The following KIAA1549 variants were observed in gnomAD, a reference collection of about 807,000 sequenced individuals.
The protein encoded by KIAA1549 is UPF0606 protein KIAA1549.
KIAA1549 carries 70 observed loss-of-function variants against 156.4 expected under a neutral mutation model. That is an observed-to-expected ratio of 0.45 (90% CI 0.37 to 0.55). The LOEUF (loss-of-function observed/expected upper bound fraction) is 0.55. Among genes scored for constraint, KIAA1549 ranks in the 20% least tolerant of loss-of-function variants. The probability of loss-of-function intolerance (pLI) is 0.00; values close to 1 mark genes in which losing one functional copy is unlikely to be tolerated. For missense variants in KIAA1549, 2,428 were observed against 2,540.9 expected, an observed-to-expected ratio of 0.96 and a Z score of 0.96; for synonymous variants, 1,103 against 1,066.4, an observed-to-expected ratio of 1.03 and a Z score of -0.67.
intron 15 of KIAA1549, among the ~76,000 whole-genome samples, chr7:138,867,180 A>C (rs763759061): frequency 5.3e-5 from 8 of 152,202 alleles, no homozygotes; most frequent in Non-Finnish European, 1.0e-4. Context: ...TAGCACTCCA[A>C]GGACAGTACA....
intron 10 of KIAA1549, among the ~76,000 whole-genome samples, chr7:138,886,255 G>A (rs57158958): frequency 0.14 from 21,971 of 152,040 alleles, 2,516 homozygotes; most frequent in African/African-American, 0.32. Flanking sequence ...GACAACATCA[G>A]TGGCTTAGGT....
chr7:138,926,701 T>C (rs1206909629), intron 1 of KIAA1549, among the ~76,000 whole-genome samples: 1 of 152,188 alleles, frequency 6.6e-6, no homozygotes, highest in Non-Finnish European at 1.5e-5. Flanking sequence ...TAGAAAAAAG[T>C]GTCTTCCCCT....
At chr7:138,854,351 G>C (rs955394636) in intron 16 of KIAA1549, among the ~76,000 whole-genome samples, 1 of 152,162 alleles carries the variant, frequency 6.6e-6, no homozygotes, top group Non-Finnish European at 1.5e-5. Context: ...ATTTGTACTT[G>C]CTACTCAAAG....
Position 138,840,196 on chromosome 7 carries a change from G to A in KIAA1549, c.5535C>T (p.Gly1845=). The A allele has an allele frequency of 1.3e-6, 2 of 1,569,268 alleles. No homozygotes were observed. Among genetic ancestry groups the A allele is most frequent in the Non-Finnish European group, 1.7e-6 (2 of 1,157,088 alleles). The change falls in exon 19 of 20, where the codon GGC becomes GGT. Residue 1845 remains glycine (G), a synonymous_variant. Coordinates refer to ENST00000422774, the MANE Select transcript of KIAA1549 (RefSeq NM_001164665.2). ...GCCAGCCTGGCCCCCCATACTGGCTGCCTCTGCTTGGCGGGATTTCCACTG... is the reference window on the plus strand; with the variant it reads ...GCCAGCCTGGCCCCCCATACTGGCTACCTCTGCTTGGCGGGATTTCCACTG... ...AQPVEIPPSR[G]SQYGGPGWPS...
intron 1 of KIAA1549, among the ~76,000 whole-genome samples, chr7:138,980,032 C>T (rs1286677676): frequency 6.6e-6 from 1 of 152,212 alleles, no homozygotes; most frequent in African/African-American, 2.4e-5. Flanking sequence ...GTCCAAGGGA[C>T]ACCTTCAAAT....
chr7:138,853,872 A>C (rs1810303151), intron 16 of KIAA1549, among the ~76,000 whole-genome samples: 2 of 152,222 alleles, frequency 1.3e-5, no homozygotes, highest in Admixed American at 1.3e-4. Context: ...TTCATATGCA[A>C]AATCTAAAAA....
At position 138,869,562 on chromosome 7, in the gene KIAA1549, G is replaced by T; in HGVS notation, c.4751C>A (p.Ser1584Tyr). Residue 1584 changes from serine (S) to tyrosine (Y), a missense_variant, in exon 14 of 20, where the codon TCC becomes TAC. Ser to Tyr is a moderately radical substitution (Grantham distance 144). Coordinates refer to ENST00000422774, the MANE Select transcript of KIAA1549 (RefSeq NM_001164665.2). ...CCTCTTCCTGGGCTCTATGAACACG[G>T]AGGGCACGCTGGCCGTGGGGTCCAG... ...KILDPTASVPSVFIEPRKSSR... is the reference protein window; with the variant it reads ...KILDPTASVPYVFIEPRKSSR... The T allele has an allele frequency of 6.3e-7, 1 of 1,580,858 alleles. No homozygotes were observed.
At chr7:138,930,005 C>T (rs545367701) in intron 1 of KIAA1549, among the ~76,000 whole-genome samples, 1 of 152,272 alleles carries the variant, frequency 6.6e-6, no homozygotes, top group African/African-American at 2.4e-5. Context: ...TATAGTAAGA[C>T]TTGAAAGTCA....
chr7:138,857,979 C>T (rs1810440920), intron 16 of KIAA1549, among the ~76,000 whole-genome samples: 1 of 152,182 alleles, frequency 6.6e-6, no homozygotes. Context: ...GTGTTTAGAC[C>T]ATTCACATTT....
chr7:138,903,756 T>C lies in KIAA1549; in HGVS notation c.3521-20A>G. ...GGAGAACTACATTTAAATGAAAACA[T>C]ACGTGGCACCCAAAACAAGTCAGCA... On this transcript the variant is annotated intron_variant, in intron 7 of 19. Transcript: ENST00000422774. 6.5e-7 allele frequency: 1 copy of C among 1,547,412 alleles called. No homozygotes were observed. The highest frequency in any genetic ancestry group is 2.5e-5 in the East Asian group (1 of 39,758).
At chr7:138,876,483 A>G (rs975995995) in intron 12 of KIAA1549, 10 of 152,262 alleles carry the variant, frequency 6.6e-5, no homozygotes, top group African/African-American at 2.4e-4. Context: ...TCCTTAGCAC[A>G]TGCAAAAGTC....
At chr7:138,869,852 GT>G in intron 13 of KIAA1549, 91 bp from the exon 14 acceptor site, 2 of 906,634 alleles carry the variant, frequency 2.2e-6, no homozygotes, top group Non-Finnish European at 3.3e-6. Flanking sequence ...TTATTTTTAT[GT>G]TTATTTATTT....
At position 138,847,560 on chromosome 7, in the gene KIAA1549, G is replaced by A. The variant is rs77500269; in HGVS notation, c.5295-3086C>T. ...TTCACTCTGTTTTATTGCAATGCCAGCTTTGTAATAAACCAGTGTCCACAC... is the reference window on the plus strand; with the variant it reads ...TTCACTCTGTTTTATTGCAATGCCAACTTTGTAATAAACCAGTGTCCACAC... On this transcript the variant is annotated intron_variant, in intron 17 of 19. Transcript: ENST00000422774. Among the ~76,000 whole-genome samples the A allele has an allele frequency of 9.3e-3, 1,415 of 152,310 alleles. 21 individuals carry two copies. Among genetic ancestry groups the A allele is most frequent in the African/African-American group, 0.032 (1,324 of 41,556 alleles).
In KIAA1549 at chr7:138,861,132, T is replaced by C; in HGVS notation, c.5247+7A>G. 1 of 1,613,464 alleles carries C rather than the reference T, an allele frequency of 6.2e-7. No individual in the cohort carries two copies. The highest frequency in any genetic ancestry group is 2.2e-5 in the East Asian group (1 of 44,860). On this transcript the variant is annotated splice_region_variant and intron_variant, in intron 16 of 19. Transcript: ENST00000422774. ...CCATCAGAGAATTCTAGAAGGCCAG[T>C]ACTTACACTGCAGGGATTGTTGGCC...
Position 138,844,403 on chromosome 7 carries a change from G to A in KIAA1549, c.5366C>T (p.Ser1789Phe). 2 of 1,605,292 alleles carry A rather than the reference G, an allele frequency of 1.2e-6. No homozygotes were observed. Among genetic ancestry groups the A allele is most frequent in the Non-Finnish European group, 1.7e-6 (2 of 1,175,502 alleles). ...TCTGGCAGCAAATGGGGCTTCGGCG[G>A]AGGCCTGTGGCTGCTGAGGGTCAGG... ...VPPDPQQPQA[S>F]AEAPFAARGI... Residue 1789 changes from serine (S) to phenylalanine (F), a missense_variant, in exon 18 of 20, where the codon TCC becomes TTC. This residue lies in a region of KIAA1549 where 363 missense variants were observed against 354.0 expected (regional missense o/e 1.03). Transcript: ENST00000422774.
intron 15 of KIAA1549, among the ~76,000 whole-genome samples, chr7:138,865,439 T>TG (rs1491397672): frequency 7.0e-6 from 1 of 142,934 alleles, no homozygotes; most frequent in African/African-American, 2.7e-5. Flanking sequence ...GGCTTGAAGA[T>TG]GAAAAAAAAA....
At chr7:138,858,737 G>T (rs1810465794) in intron 16 of KIAA1549, among the ~76,000 whole-genome samples, 1 of 152,064 alleles carries the variant, frequency 6.6e-6, no homozygotes, top group Non-Finnish European at 1.5e-5. Flanking sequence ...AGAAATGGTG[G>T]CCTAAAACAA....
chr7:138,870,531 A>G (rs1372455389), intron 13 of KIAA1549, among the ~76,000 whole-genome samples: 1 of 152,202 alleles, frequency 6.6e-6, no homozygotes, highest in African/African-American at 2.4e-5. Flanking sequence ...CCCTGCCCCC[A>G]GAGTGGTATC....
chr7:138,931,914 C>T (rs540013800), intron 1 of KIAA1549, among the ~76,000 whole-genome samples: 2 of 152,206 alleles, frequency 1.3e-5, no homozygotes, highest in Admixed American at 1.3e-4. Flanking sequence ...ATGTTGTCTT[C>T]TAATAGTTTT....
Sources: allele counts gnomAD v4.1 joint callset (sites outside exome capture counted in the v4.1 genomes callset), GRCh38; gene constraint gnomAD v4.1.1; regional missense constraint gnomAD v4.1.1; transcripts MANE v1.5; gene names NCBI Gene and HGNC (gene_info 2026-07-23, HGNC 2026-07-21).